VARS2: variants seen among roughly 807,000 people sequenced by gnomAD.
The protein encoded by VARS2 is valine--tRNA ligase, mitochondrial.
Under a neutral mutation model 154.1 loss-of-function variants are expected in VARS2, and 105 were observed. That is an observed-to-expected ratio of 0.68 (90% CI 0.58 to 0.80). The LOEUF (loss-of-function observed/expected upper bound fraction) is 0.80. VARS2 is among the 30% of genes least tolerant of loss of function. VARS2 has a pLI of 0.00. For synonymous variants in VARS2, 483 were observed against 539.5 expected (o/e 0.90, Z 1.45); for missense variants, 1,157 against 1,361.4 (o/e 0.85, Z 2.36).
Position 30,917,093 on chromosome 6 carries a change from A to C in VARS2, c.754-12A>C. 3.1e-6 allele frequency: 5 copies of C among 1,614,094 alleles called. No homozygotes were observed. The highest frequency in any genetic ancestry group is 4.2e-6 in the Non-Finnish European group (5 of 1,180,038). On this transcript the variant is annotated splice_polypyrimidine_tract_variant and intron_variant, in intron 8 of 29. Transcript: ENST00000676266. The surrounding 1 kb of genome is among the most constrained non-coding windows in gnomAD (Gnocchi z 4.4). ...AAGTGGCTCTTAGAGGTGGACACTC[A>C]GGTCATTCCAGGGCTCCTCAGTGGC...
At position 30,919,842 on chromosome 6, in the gene VARS2, G is replaced by A; in HGVS notation, c.1159G>A (p.Gly387Ser). The change falls in exon 12 of 30, where the codon GGC becomes AGC. Residue 387 changes from glycine to serine, a missense_variant. Gly to Ser is a moderately conservative substitution (Grantham distance 56). Coordinates refer to ENST00000676266, the MANE Select transcript of VARS2 (RefSeq NM_020442.6). This position sits in a 1 kb window ranked among gnomAD's most constrained non-coding sequence, Gnocchi z 4.5. The part of the protein sequence containing the change: ...ITDYAVQPHV[G>S]TGAVKVTPAH... Reference sequence around the variant, plus strand: ...AGACTATGCTGTTCAGCCACATGTGGGCACGGGTGAGTGGAAGTCAGGGGA... The same window carrying A: ...AGACTATGCTGTTCAGCCACATGTGAGCACGGGTGAGTGGAAGTCAGGGGA... 1.3e-6 allele frequency: 2 copies of A among 1,576,796 alleles called. No individual in the cohort carries two copies. The highest frequency in any genetic ancestry group is 1.7e-6 in the Non-Finnish European group (2 of 1,156,406).
Position 30,914,914 on chromosome 6 carries a change from C to G in VARS2, c.78C>G (p.His26Gln), listed in dbSNP as rs933267224. Residue 26 changes from histidine to glutamine, a missense_variant, in exon 2 of 30, where the codon CAC becomes CAG. Transcript: ENST00000676266. ...ACTCACGGGGCCTCCCCAGGTTTCA[C>G]TCCGTTTCTACACAGTCGGAGCCCC... is the stretch of plus-strand genomic sequence containing the variant. ...LRHSRGLPRF[H>Q]SVSTQSEPHG... The G allele has an allele frequency of 3.1e-6, 5 of 1,613,088 alleles. No homozygotes were observed. Among genetic ancestry groups the G allele is most frequent in the Admixed American group, 1.7e-5 (1 of 60,030 alleles).
Position 30,919,437 on chromosome 6 carries a change from G to T in VARS2, c.1075-321G>T, listed in dbSNP as rs139402831. On this transcript the variant is annotated intron_variant, in intron 11 of 29. Coordinates refer to ENST00000676266, the MANE Select transcript of VARS2 (RefSeq NM_020442.6). This position sits in a 1 kb window ranked among gnomAD's most constrained non-coding sequence, Gnocchi z 4.5. ...CCTGACCTCGTGATCTGCCCACCTC[G>T]GCCTCCCAAAGTGCTGGGATTACAG... 4.0e-6 allele frequency: 1 copy of T among 250,686 alleles called. No homozygotes were observed. Among genetic ancestry groups the T allele is most frequent in the Admixed American group, 5.1e-5 (1 of 19,430 alleles). 15.5% of individuals were successfully genotyped at this position (250,686 alleles called of 1,614,324 possible). A position where few individuals can be genotyped will look rare whatever the true frequency, so the allele number is the denominator to read the frequency against.
Position 30,919,778 on chromosome 6 carries a change from T to C in VARS2, c.1095T>C (p.Leu365=). Residue 365 remains leucine, a synonymous_variant, in exon 12 of 30, where the codon CTT becomes CTC. Transcript: ENST00000676266. The surrounding 1 kb of genome is among the most constrained non-coding windows in gnomAD (Gnocchi z 4.5). ...SRYTHLHGRQ[L]RHPLMGQPLP... The stretch of plus-strand genomic sequence containing the variant: ...TTCAGCATCTACACGGGCGACAGCT[T>C]CGTCACCCCTTGATGGGGCAGCCTC... 1 of 1,589,284 alleles carries C rather than the reference T, an allele frequency of 6.3e-7. No homozygotes were observed.
At position 30,924,537 on chromosome 6, in the gene VARS2, C is replaced by A; in HGVS notation, c.2650C>A (p.Pro884Thr). The change falls in exon 26 of 30, where the codon CCC becomes ACC. Residue 884 changes from proline to threonine, a missense_variant. Physicochemically the swap from Pro to Thr is conservative, Grantham distance 38. Transcript: ENST00000676266. Reference protein sequence around the residue: ...CPPAPSISVAPYPSACSLEHW... With the variant: ...CPPAPSISVATYPSACSLEHW... Reference sequence around the variant, plus strand: ...CCCTGCCCCCAGCATCTCGGTTGCCCCCTACCCCAGCGCCTGCAGCTTGGT... The same window carrying A: ...CCCTGCCCCCAGCATCTCGGTTGCCACCTACCCCAGCGCCTGCAGCTTGGT... The A allele has an allele frequency of 1.9e-6, 3 of 1,559,576 alleles. No homozygotes were observed. The South Asian group carries it at 3.6e-5, about 19-fold the overall frequency.
chr6:30,921,324 C>T lies in VARS2; in HGVS notation c.1632+19C>T, dbSNP rs1450405867. On this transcript the variant is annotated intron_variant, in intron 17 of 29. Coordinates refer to ENST00000676266, the MANE Select transcript of VARS2 (RefSeq NM_020442.6). This position sits in a 1 kb window ranked among gnomAD's most constrained non-coding sequence, Gnocchi z 4.6. ...TGCGCAGGTGGGTAGGAAGAAGCACCCGGAGGGCCGAGTGTGGCACAGAGC... is the reference window on the plus strand; with the variant it reads ...TGCGCAGGTGGGTAGGAAGAAGCACTCGGAGGGCCGAGTGTGGCACAGAGC... The T allele has an allele frequency of 1.2e-6, 2 of 1,613,840 alleles. No homozygotes were observed. Among genetic ancestry groups the T allele is most frequent in the African/African-American group, 1.3e-5 (1 of 74,888 alleles).
At position 30,920,191 on chromosome 6, in the gene VARS2, C is replaced by T. The variant is rs1484765470; in HGVS notation, c.1268C>T (p.Thr423Ile). ...LNVIAEDGTM[T>I]SLCGDWLQGL... ...GTCATTGCGGAGGATGGGACCATGA[C>T]CTCCCTCTGCGGGGACTGGCTGCAG... is the stretch of plus-strand genomic sequence containing the variant. The change falls in exon 13 of 30, where the codon ACC (threonine) becomes ATC (isoleucine). Residue 423 changes from threonine (T) to isoleucine (I), a missense_variant. Physicochemically the swap from Thr to Ile is moderately conservative, Grantham distance 89 (BLOSUM62 -1). Transcript: ENST00000676266. This position sits in a 1 kb window ranked among gnomAD's most constrained non-coding sequence, Gnocchi z 4.6. 6.3e-7 allele frequency: 1 copy of T among 1,587,654 alleles called. No individual in the cohort carries two copies. Among genetic ancestry groups the T allele is most frequent in the Non-Finnish European group, 8.6e-7 (1 of 1,165,910 alleles).
chr6:30,924,145 C>G (rs1341743945), intron 25 of VARS2: 2 of 597,746 alleles, frequency 3.3e-6, no homozygotes, highest in Non-Finnish European at 3.0e-6. Context: ...AAATCCTGTC[C>G]CTGTGTACTG....
At position 30,918,313 on chromosome 6, in the gene VARS2, G is replaced by T. The variant is rs187233300; in HGVS notation, c.985+507G>T. 2.0e-3 allele frequency among the ~76,000 whole-genome samples: 310 copies of T among 152,280 alleles called. 1 individual carries two copies. Among genetic ancestry groups the T allele is most frequent in the Admixed American group, 6.1e-3 (93 of 15,306 alleles). On this transcript the variant is annotated intron_variant, in intron 10 of 29. Coordinates refer to ENST00000676266, the MANE Select transcript of VARS2 (RefSeq NM_020442.6). Reference sequence around the variant, plus strand: ...GAACTCCTGACCTCGTGATCTGCCCGCCTTGGCCTCCCAAAGTGCTGGGAT... The same window carrying T: ...GAACTCCTGACCTCGTGATCTGCCCTCCTTGGCCTCCCAAAGTGCTGGGAT...
chr6:30,914,548 G>A (rs1794022152), intron 1 of VARS2: 2 of 1,336,428 alleles, frequency 1.5e-6, no homozygotes, highest in Non-Finnish European at 1.9e-6. Flanking sequence ...CTGAGTTTCT[G>A]AGCCCTATCT....
chr6:30,919,203 C>T lies in VARS2; in HGVS notation c.1074+288C>T, dbSNP rs192672730. The T allele has an allele frequency of 6.3e-4, 190 of 303,972 alleles. 1 individual carries two copies. The East Asian group carries it at 9.9e-3, about 16-fold the overall frequency. 18.8% of individuals were successfully genotyped at this position (303,972 alleles called of 1,614,324 possible). A position where few individuals can be genotyped will look rare whatever the true frequency, so the allele number is the denominator to read the frequency against. The stretch of plus-strand genomic sequence containing the variant: ...GTGTGATCTTGGCTCACTGCAACCT[C>T]CACCTCCTGGGTTCAAGCAATTCTC... On this transcript the variant is annotated intron_variant, in intron 11 of 29. Transcript: ENST00000676266. This position sits in a 1 kb window ranked among gnomAD's most constrained non-coding sequence, Gnocchi z 4.5.
Position 30,914,905 on chromosome 6 carries a change from C to G in VARS2, c.69C>G (p.Pro23=), listed in dbSNP as rs768525015. Residue 23 remains proline, a synonymous_variant, in exon 2 of 30, where the codon CCC becomes CCG. Transcript: ENST00000676266. The part of the protein sequence containing the change: ...FWGLRHSRGL[P]RFHSVSTQSE... ...GGCTGAGGCACTCACGGGGCCTCCCCAGGTTTCACTCCGTTTCTACACAGT... is the reference window on the plus strand; with the variant it reads ...GGCTGAGGCACTCACGGGGCCTCCCGAGGTTTCACTCCGTTTCTACACAGT... The G allele has an allele frequency of 5.6e-6, 9 of 1,612,970 alleles. No homozygotes were observed. The highest frequency in any genetic ancestry group is 4.5e-5 in the East Asian group (2 of 44,892).
In VARS2 at chr6:30,924,543, C is replaced by T; in HGVS notation, c.2656C>T (p.Pro886Ser). Residue 886 changes from proline (P) to serine (S), a missense_variant, in exon 26 of 30, where the codon CCC becomes TCC. By Grantham distance (74) the Pro-to-Ser change is moderately conservative. Coordinates refer to ENST00000676266, the MANE Select transcript of VARS2 (RefSeq NM_020442.6). ...CCCCAGCATCTCGGTTGCCCCCTAC[C>T]CCAGCGCCTGCAGCTTGGTGAGTCC... is the stretch of plus-strand genomic sequence containing the variant. Reference protein sequence around the residue: ...PAPSISVAPYPSACSLEHWRQ... With the variant: ...PAPSISVAPYSSACSLEHWRQ... The T allele has an allele frequency of 1.3e-6, 2 of 1,548,354 alleles. No individual in the cohort carries two copies. The highest frequency in any genetic ancestry group is 1.7e-6 in the Non-Finnish European group (2 of 1,143,316).
rs1794771987 is a variant in VARS2 at position 30,925,395 on chromosome 6, G to A, written c.2785+10G>A. ...AAAGCCCGGCCCCGAGGTGAGGCAA[G>A]GCGGGTCCTGGGCTCGGATCCCTGC... is the stretch of plus-strand genomic sequence containing the variant. On this transcript the variant is annotated intron_variant, in intron 27 of 29. Coordinates refer to ENST00000676266, the MANE Select transcript of VARS2 (RefSeq NM_020442.6). 3 of 1,603,380 alleles carry A rather than the reference G, an allele frequency of 1.9e-6. No homozygotes were observed. The highest frequency in any genetic ancestry group is 1.1e-5 in the South Asian group (1 of 90,512).
chr6:30,921,651 A>G lies in VARS2; in HGVS notation c.1695A>G (p.Glu565=), dbSNP rs370910599. Residue 565 remains glutamate (E), a synonymous_variant, in exon 18 of 30, where the codon GAA becomes GAG. Coordinates refer to ENST00000676266, the MANE Select transcript of VARS2 (RefSeq NM_020442.6). The surrounding 1 kb of genome is among the most constrained non-coding windows in gnomAD (Gnocchi z 4.6). ...CTGAGGCCAGAGAGGTAGCAGCGGAACTGACAGGGAGGCCAGGGGCAGAGC... is the reference window on the plus strand; with the variant it reads ...CTGAGGCCAGAGAGGTAGCAGCGGAGCTGACAGGGAGGCCAGGGGCAGAGC... The part of the protein sequence containing the change: ...SEAEAREVAA[E]LTGRPGAELT... 6.8e-6 allele frequency: 11 copies of G among 1,608,992 alleles called. No individual in the cohort carries two copies. In the African/African-American group the frequency reaches 1.5e-4, roughly 21 times the overall value.
At chr6:30,924,640 C>T (rs556701083) in intron 26 of VARS2, 80 bp downstream of exon 26, 176 of 743,062 alleles carry the variant, frequency 2.4e-4, no homozygotes, top group Non-Finnish European at 3.1e-4. Flanking sequence ...GCAGGGGGCT[C>T]ATCTGCAGGA....
Position 30,919,209 on chromosome 6 carries a change from C to G in VARS2, c.1074+294C>G. 3.4e-6 allele frequency: 1 copy of G among 292,134 alleles called. No homozygotes were observed. Among genetic ancestry groups the G allele is most frequent in the Non-Finnish European group, 6.4e-6 (1 of 157,380 alleles). The allele number at this position is 292,134 out of a possible 1,614,324, so 18.1% of individuals were successfully genotyped here. A position where few individuals can be genotyped will look rare whatever the true frequency, so the allele number is the denominator to read the frequency against. On this transcript the variant is annotated intron_variant, in intron 11 of 29. Coordinates refer to ENST00000676266, the MANE Select transcript of VARS2 (RefSeq NM_020442.6). The surrounding 1 kb of genome is among the most constrained non-coding windows in gnomAD (Gnocchi z 4.5). ...TCTTGGCTCACTGCAACCTCCACCT[C>G]CTGGGTTCAAGCAATTCTCCTGCCT...
At position 30,914,905 on chromosome 6, in the gene VARS2, C is replaced by T; in HGVS notation, c.69C>T (p.Pro23=). 1 of 1,613,088 alleles carries T rather than the reference C, an allele frequency of 6.2e-7. No individual in the cohort carries two copies. The highest frequency in any genetic ancestry group is 8.5e-7 in the Non-Finnish European group (1 of 1,180,040). Reference sequence around the variant, plus strand: ...GGCTGAGGCACTCACGGGGCCTCCCCAGGTTTCACTCCGTTTCTACACAGT... The same window carrying T: ...GGCTGAGGCACTCACGGGGCCTCCCTAGGTTTCACTCCGTTTCTACACAGT... ...FWGLRHSRGL[P]RFHSVSTQSE... The change falls in exon 2 of 30, where the codon CCC becomes CCT. Residue 23 remains proline (P), a synonymous_variant. Transcript: ENST00000676266.
At chr6:30,924,101 A>G (rs1794697732) in intron 25 of VARS2, 2 of 574,368 alleles carry the variant, frequency 3.5e-6, no homozygotes, top group African/African-American at 1.9e-5. Flanking sequence ...AAAAAACTCA[A>G]TGATTTTTTT....
Sources: allele counts gnomAD v4.1 joint callset (sites outside exome capture counted in the v4.1 genomes callset), GRCh38; gene constraint gnomAD v4.1.1; non-coding constraint Gnocchi (gnomAD v3.1); transcripts MANE v1.5; gene names NCBI Gene and HGNC (gene_info 2026-07-23, HGNC 2026-07-21).